NCEH1: variants seen among roughly 807,000 people sequenced by gnomAD.
NCEH1 encodes neutral cholesterol ester hydrolase 1, also known as 2-acetyl MAGE hydrolase.
NCEH1 carries 9 observed loss-of-function variants against 25.4 expected under a neutral mutation model. The observed-to-expected ratio is 0.35, with a 90% confidence interval of 0.21 to 0.62. The LOEUF (loss-of-function observed/expected upper bound fraction) is 0.62. NCEH1 is among the 20% of genes least tolerant of loss of function. NCEH1 has a pLI of 0.72. For synonymous variants in NCEH1, 200 were observed against 199.8 expected, an observed-to-expected ratio of 1.00 and a Z score of -0.01; for missense variants, 412 against 501.1, an observed-to-expected ratio of 0.82 and a Z score of 1.70.
At chr3:172,635,796 G>T in intron 4 of NCEH1, 120 bp downstream of exon 4, 1 of 807,556 alleles carries the variant, frequency 1.2e-6, no homozygotes, top group Non-Finnish European at 2.0e-6. Context: ...GAACAATTTG[G>T]CCATCTAGTG....
intron 1 of NCEH1, among the ~76,000 whole-genome samples, chr3:172,654,731 C>T (rs10513704): frequency 0.15 from 23,293 of 152,226 alleles, 1,961 homozygotes; most frequent in East Asian, 0.19. Flanking sequence ...CTTAAAGCAT[C>T]GATTCTAACT....
chr3:172,704,718 A>G lies in NCEH1; in HGVS notation c.138+6129T>C, dbSNP rs145430512. On this transcript the variant is annotated intron_variant, in intron 1 of 4. Transcript: ENST00000475381. ...GTCAGGTTTTTCACTTGAAAATTCA[A>G]TTACAGGTAGGCACGTTGGCTTATG... Among the ~76,000 whole-genome samples, 21 of 152,368 alleles carry G rather than the reference A, an allele frequency of 1.4e-4. No homozygotes were observed. The East Asian group carries it at 4.0e-3, about 29-fold the overall frequency.
chr3:172,681,841 G>C (rs926431834), intron 1 of NCEH1, among the ~76,000 whole-genome samples: 2 of 151,684 alleles, frequency 1.3e-5, no homozygotes, highest in African/African-American at 4.9e-5. Context: ...CATCCAGGAG[G>C]CAGAGGTTGT....
chr3:172,650,439 C>G (rs1308560822), intron 1 of NCEH1, among the ~76,000 whole-genome samples: 1 of 151,364 alleles, frequency 6.6e-6, no homozygotes, highest in Non-Finnish European at 1.5e-5. Context: ...GTCAGGAGAT[C>G]GAGACCATCC....
At chr3:172,680,667 G>GC (rs34459090) in intron 1 of NCEH1, 2,567 of 141,928 alleles carry the variant, frequency 0.018, 77 homozygotes, top group African/African-American at 0.068. Context: ...GGCGTCACAG[G>GC]CCCCCCCCCC....
At chr3:172,666,620 T>C (rs998184273) in intron 1 of NCEH1, among the ~76,000 whole-genome samples, 3 of 152,196 alleles carry the variant, frequency 2.0e-5, no homozygotes, top group African/African-American at 7.2e-5. Flanking sequence ...GACCCTGGTG[T>C]TCCTCCAGTC....
intron 1 of NCEH1, among the ~76,000 whole-genome samples, chr3:172,651,910 G>A (rs921968764): frequency 6.6e-6 from 1 of 152,164 alleles, no homozygotes; most frequent in Non-Finnish European, 1.5e-5. Flanking sequence ...TGACGAATAA[G>A]AAGTCTCCTA....
chr3:172,645,441 C>A (rs944862771), intron 3 of NCEH1, among the ~76,000 whole-genome samples, 182 bp downstream of exon 3: 17 of 152,290 alleles, frequency 1.1e-4, no homozygotes, highest in African/African-American at 4.1e-4. Flanking sequence ...AAAGCTAGTT[C>A]AATAAATTTT....
intron 1 of NCEH1, among the ~76,000 whole-genome samples, chr3:172,675,358 T>A (rs1471297736): frequency 6.6e-6 from 1 of 151,846 alleles, no homozygotes; most frequent in African/African-American, 2.4e-5. Flanking sequence ...TGTGAGTTGA[T>A]GGGTGCAGCA....
chr3:172,706,675 T>C (rs1442695575), intron 1 of NCEH1, among the ~76,000 whole-genome samples: 2 of 151,750 alleles, frequency 1.3e-5, no homozygotes, highest in Non-Finnish European at 2.9e-5. Flanking sequence ...ATTTTTTGTA[T>C]TTTTTAGTAG....
intron 1 of NCEH1, among the ~76,000 whole-genome samples, chr3:172,677,043 C>T (rs1360982829): frequency 1.3e-5 from 2 of 152,184 alleles, no homozygotes; most frequent in Non-Finnish European, 2.9e-5. Flanking sequence ...ATTGCCAGGA[C>T]AGCAGCATTT....
chr3:172,678,304 A>T (rs946811631), intron 1 of NCEH1, among the ~76,000 whole-genome samples: 1 of 152,178 alleles, frequency 6.6e-6, no homozygotes, highest in Non-Finnish European at 1.5e-5. Context: ...GTTTCAAGTT[A>T]ATGCAGCTCA....
intron 1 of NCEH1, among the ~76,000 whole-genome samples, chr3:172,710,152 A>G (rs1350339133): frequency 1.3e-5 from 2 of 152,236 alleles, no homozygotes; most frequent in Admixed American, 1.3e-4. Flanking sequence ...AGCCAAGGAC[A>G]TAAAATAAAT....
At chr3:172,685,803 C>T (rs921385466) in intron 1 of NCEH1, among the ~76,000 whole-genome samples, 3 of 152,190 alleles carry the variant, frequency 2.0e-5, no homozygotes, top group Non-Finnish European at 4.4e-5. Flanking sequence ...TAGACAAGTA[C>T]GACAACCAGA....
intron 4 of NCEH1, among the ~76,000 whole-genome samples, chr3:172,635,344 A>C (rs1716550364): frequency 6.6e-6 from 1 of 152,270 alleles, no homozygotes; most frequent in Non-Finnish European, 1.5e-5. Context: ...CATAACAGGA[A>C]GAAAATGTGC....
intron 1 of NCEH1, among the ~76,000 whole-genome samples, chr3:172,673,675 G>A (rs1158115019): frequency 1.3e-5 from 2 of 152,202 alleles, no homozygotes; most frequent in Non-Finnish European, 2.9e-5. Context: ...GAACAGATAA[G>A]GTAGCAGAAG....
At position 172,699,334 on chromosome 3, in the gene NCEH1, T is replaced by C. The variant is rs112653749; in HGVS notation, c.138+11513A>G. ...TGCAGTCAGCAAAATGGTGCCAGGT[T>C]GTAGCAAGCACCAAGTGCCAGCCAA... is the stretch of plus-strand genomic sequence containing the variant. On this transcript the variant is annotated intron_variant, in intron 1 of 4. Coordinates refer to ENST00000475381, the MANE Select transcript of NCEH1 (RefSeq NM_020792.6). Among the ~76,000 whole-genome samples the C allele has an allele frequency of 5.2e-3, 799 of 152,300 alleles. 4 individuals are homozygous for C. Among genetic ancestry groups the C allele is most frequent in the South Asian group, 0.043 (206 of 4,820 alleles).
intron 3 of NCEH1, among the ~76,000 whole-genome samples, chr3:172,643,949 G>A (rs1269573322): frequency 6.6e-6 from 1 of 152,178 alleles, no homozygotes; most frequent in African/African-American, 2.4e-5. Context: ...TCATTTCCTT[G>A]AAGGTTCCTG....
intron 1 of NCEH1, among the ~76,000 whole-genome samples, chr3:172,650,811 CGAAAAAAAAA>C (rs1577060346): frequency 6.7e-5 from 6 of 89,990 alleles, no homozygotes; most frequent in Admixed American, 1.2e-4. Context: ...GACTCTGCCT[CGAAAAAAAAA>C]AAAAAAAAAA....
Sources: allele counts gnomAD v4.1 joint callset (sites outside exome capture counted in the v4.1 genomes callset), GRCh38; gene constraint gnomAD v4.1.1; transcripts MANE v1.5; gene names NCBI Gene and HGNC (gene_info 2026-07-23, HGNC 2026-07-21).